CHCT1: variants seen among roughly 807,000 people sequenced by gnomAD.
CHCT1 encodes the protein CHD1 helical C-terminal domain containing protein 1.
the CHCT1 span, chr17:60,422,404 C>T: frequency 7.0e-7 from 1 of 1,428,424 alleles, no homozygotes; most frequent in African/African-American, 1.4e-5. Flanking sequence ...CTGCAGCCAC[C>T]CCTAAGAATG....
At chr17:60,428,497 TTTTTTTC>T in the CHCT1 span, among the ~76,000 whole-genome samples, 1 of 151,892 alleles carries the variant, frequency 6.6e-6, no homozygotes, top group Non-Finnish European at 1.5e-5. Flanking sequence ...TTTTTTTTTT[TTTTTTTC>T]GAGACAGAGT....
the CHCT1 span, chr17:60,426,089 T>C: frequency 6.7e-7 from 1 of 1,483,026 alleles, no homozygotes; most frequent in Non-Finnish European, 9.1e-7. Flanking sequence ...ACCGGTGTGC[T>C]GGATACCTGG....
the CHCT1 span, among the ~76,000 whole-genome samples, chr17:60,429,798 GT>G: frequency 1.3e-5 from 2 of 151,728 alleles, no homozygotes; most frequent in Non-Finnish European, 2.9e-5. Context: ...TTATAGAAAG[GT>G]TTTTGTTTTT....
the CHCT1 span, chr17:60,425,893 AG>A: frequency 6.5e-7 from 1 of 1,544,472 alleles, no homozygotes; most frequent in Non-Finnish European, 8.8e-7. Context: ...CTGTGAGTAA[AG>A]AGCCAGCCTG....
chr17:60,425,807 A>T, the CHCT1 span: 1 of 1,551,370 alleles, frequency 6.4e-7, no homozygotes, highest in Non-Finnish European at 8.7e-7. Context: ...ATGCCTGGAG[A>T]CAAGCTCCAG....
the CHCT1 span, among the ~76,000 whole-genome samples, chr17:60,425,215 C>T: frequency 6.6e-6 from 1 of 152,148 alleles, no homozygotes; most frequent in South Asian, 2.1e-4. Flanking sequence ...GAGCACCCAG[C>T]AATCAATAAA....
At chr17:60,430,530 A>G in the CHCT1 span, among the ~76,000 whole-genome samples, 6 of 152,064 alleles carry the variant, frequency 3.9e-5, no homozygotes, top group Non-Finnish European at 8.8e-5. Flanking sequence ...GCCCAAGCTG[A>G]AGTGCAGTTG....
chr17:60,421,362 G>T, the CHCT1 span: 1 of 985,496 alleles, frequency 1.0e-6, no homozygotes, highest in African/African-American at 1.7e-5. Flanking sequence ...GGGCCTCCGG[G>T]CTACCCCTAC....
chr17:60,422,907 T>C, the CHCT1 span, among the ~76,000 whole-genome samples: 2 of 152,014 alleles, frequency 1.3e-5, no homozygotes, highest in South Asian at 4.1e-4. Context: ...GGTCTGTGTG[T>C]GGTTGTGTGG....
chr17:60,421,575 G>T, the CHCT1 span: 3 of 985,362 alleles, frequency 3.0e-6, no homozygotes, highest in Non-Finnish European at 3.6e-6. Flanking sequence ...AGAAAAGGTG[G>T]CTCGAGTGAG....
At chr17:60,425,850 A>G in the CHCT1 span, 1 of 1,551,752 alleles carries the variant, frequency 6.4e-7, no homozygotes, top group Non-Finnish European at 8.7e-7. Context: ...CTCATGCGCC[A>G]TGCCAAGGGC....
the CHCT1 span, among the ~76,000 whole-genome samples, chr17:60,429,008 T>G: frequency 6.6e-6 from 1 of 151,988 alleles, no homozygotes; most frequent in Non-Finnish European, 1.5e-5. Flanking sequence ...GTTCTAGGGA[T>G]TCTCCTGCCT....
the CHCT1 span, chr17:60,426,141 C>T: frequency 9.2e-4 from 1,429 of 1,550,334 alleles, 1 homozygote; most frequent in Non-Finnish European, 1.1e-3. Context: ...GGCCCCTCAC[C>T]TCACCTGTTG....
At chr17:60,426,172 C>A in the CHCT1 span, 11 of 1,551,694 alleles carry the variant, frequency 7.1e-6, no homozygotes, top group East Asian at 4.9e-5. Context: ...GTAAAGAATA[C>A]CTAAGACCGC....
At chr17:60,427,176 C>T in the CHCT1 span, among the ~76,000 whole-genome samples, 2 of 152,340 alleles carry the variant, frequency 1.3e-5, no homozygotes, top group South Asian at 4.1e-4. Context: ...CAGGGCTACC[C>T]TATGGGCAGT....
the CHCT1 span, chr17:60,426,639 G>T: frequency 6.5e-7 from 1 of 1,536,708 alleles, no homozygotes; most frequent in Non-Finnish European, 8.8e-7. Context: ...CCCCTGGGTG[G>T]GTCCTGACCC....
the CHCT1 span, among the ~76,000 whole-genome samples, chr17:60,428,774 A>C: frequency 6.6e-6 from 1 of 152,050 alleles, no homozygotes. Context: ...GGCATGAGCC[A>C]CCGCACCAGG....
At chr17:60,429,566 C>T in the CHCT1 span, 343 of 1,612,718 alleles carry the variant, frequency 2.1e-4, no homozygotes, top group African/African-American at 4.1e-3. Flanking sequence ...AGGTAATGAC[C>T]ATTTGGTGTT....
At chr17:60,426,861 T>C in the CHCT1 span, 4 of 1,554,982 alleles carry the variant, frequency 2.6e-6, no homozygotes, top group Non-Finnish European at 3.5e-6. Context: ...GAGGGTTGGT[T>C]GATGTGTCCT....
Sources: allele counts gnomAD v4.1 joint callset (sites outside exome capture counted in the v4.1 genomes callset), GRCh38; gene constraint gnomAD v4.1.1; transcripts MANE v1.5; gene names NCBI Gene and HGNC (gene_info 2026-07-23, HGNC 2026-07-21).